ORC3: variants seen among roughly 807,000 people sequenced by gnomAD.
ORC3 encodes origin recognition complex subunit 3.
ORC3 carries 78 observed loss-of-function variants against 100.7 expected under a neutral mutation model. The observed-to-expected ratio is 0.77, with a 90% CI of 0.65 to 0.94. The LOEUF is 0.94. Ranked by LOEUF, ORC3 falls within the 40% of genes least tolerant of loss-of-function variation. The pLI is 0.00. For synonymous variants in ORC3, 295 were observed against 289.3 expected, an observed-to-expected ratio of 1.02 and a Z score of -0.20; for missense variants, 789 against 823.9, an observed-to-expected ratio of 0.96 and a Z score of 0.52.
intron 13 of ORC3, among the ~76,000 whole-genome samples, chr6:87,640,417 A>G (rs1768157195): frequency 6.6e-6 from 1 of 152,224 alleles, no homozygotes; most frequent in South Asian, 2.1e-4. Flanking sequence ...TTTATAATAT[A>G]TGCCATTATT....
downstream of ORC3, among the ~76,000 whole-genome samples, chr6:87,671,548 T>C (rs545357075): frequency 3.1e-4 from 46 of 150,524 alleles, no homozygotes; most frequent in African/African-American, 1.1e-3. Context: ...CCAAGATGAG[T>C]ACTAAGAGAG....
At chr6:87,667,965 C>G (rs1012086112), downstream of ORC3, among the ~76,000 whole-genome samples, 5 of 151,908 alleles carry the variant, frequency 3.3e-5, no homozygotes, top group African/African-American at 1.2e-4. Context: ...TTTATTTAGG[C>G]AGTAAATATT....
At chr6:87,607,380 G>A (rs1778417899) in intron 5 of ORC3, among the ~76,000 whole-genome samples, 1 of 151,718 alleles carries the variant, frequency 6.6e-6, no homozygotes, top group Non-Finnish European at 1.5e-5. Flanking sequence ...GTATTGAGCC[G>A]AGATCCTGCC....
chr6:87,635,684 C>T (rs1425655068), intron 12 of ORC3, among the ~76,000 whole-genome samples: 1 of 151,864 alleles, frequency 6.6e-6, no homozygotes, highest in Non-Finnish European at 1.5e-5. Flanking sequence ...GTAGTCCCAG[C>T]TATGAGGGAG....
In ORC3 at chr6:87,609,136, C is replaced by G. The variant is rs550694781; in HGVS notation, c.620C>G (p.Ser207Cys). The part of the protein sequence containing the change: ...PKMLSKKRTT[S>C]SQWQSPPVVV... ...ATGCTAAGCAAAAAAAGGACTACTT[C>G]TAGCCAATGGCAGTCTCCTCCTGTT... The change falls in exon 7 of 20, where the codon TCT becomes TGT. Residue 207 changes from serine to cysteine, a missense_variant. Ser to Cys is a moderately radical substitution (Grantham distance 112, BLOSUM62 -1). Transcript: ENST00000392844. The G allele has an allele frequency of 6.2e-7, 1 of 1,607,460 alleles. No individual in the cohort carries two copies.
At chr6:87,622,594 T>G (rs6923950) in intron 11 of ORC3, among the ~76,000 whole-genome samples, 1 of 152,066 alleles carries the variant, frequency 6.6e-6, no homozygotes, top group African/African-American at 2.4e-5. Context: ...AAAATGGATA[T>G]AGTATACTAT....
chr6:87,633,533 G>A (rs531282393), intron 11 of ORC3, among the ~76,000 whole-genome samples: 1 of 152,280 alleles, frequency 6.6e-6, no homozygotes, highest in East Asian at 1.9e-4. Flanking sequence ...CCCGTAGATC[G>A]TTGACCAAGG....
chr6:87,664,086 C>A (rs886556319), intron 17 of ORC3, among the ~76,000 whole-genome samples: 15 of 152,098 alleles, frequency 9.9e-5, no homozygotes, highest in Non-Finnish European at 2.1e-4. Context: ...CTTACAAAAT[C>A]TGTCTTCTTC....
At chr6:87,609,560 CTT>C (rs549492022) in intron 7 of ORC3, 33 of 153,220 alleles carry the variant, frequency 2.2e-4, no homozygotes, top group East Asian at 3.7e-4. Flanking sequence ...TTGTTTTTTT[CTT>C]TTTTTTTTTT....
At chr6:87,627,554 C>G (rs1780015089) in intron 11 of ORC3, among the ~76,000 whole-genome samples, 1 of 148,870 alleles carries the variant, frequency 6.7e-6, no homozygotes, top group African/African-American at 2.5e-5. Flanking sequence ...CCTAGGCCTC[C>G]CAAAGTGCTG....
chr6:87,643,246 T>C (rs971703031), intron 13 of ORC3, among the ~76,000 whole-genome samples: 1 of 152,130 alleles, frequency 6.6e-6, no homozygotes, highest in Non-Finnish European at 1.5e-5. Flanking sequence ...GGTCAGAGAA[T>C]TAGCTGAGAT....
At chr6:87,665,423 T>C (rs565278564) in intron 18 of ORC3, among the ~76,000 whole-genome samples, 35 of 152,322 alleles carry the variant, frequency 2.3e-4, no homozygotes, top group African/African-American at 7.5e-4. Context: ...TTAAAAAATA[T>C]CCATAATTGG....
intron 5 of ORC3, among the ~76,000 whole-genome samples, chr6:87,607,385 C>A (rs1266830834): frequency 1.3e-5 from 2 of 151,910 alleles, no homozygotes; most frequent in African/African-American, 4.8e-5. Flanking sequence ...GAGCCGAGAT[C>A]CTGCCACTGT....
At chr6:87,648,660 A>T (rs1768997355) in intron 13 of ORC3, among the ~76,000 whole-genome samples, 2 of 147,714 alleles carry the variant, frequency 1.4e-5, no homozygotes, top group Admixed American at 1.3e-4. Flanking sequence ...TGGGAATAAT[A>T]ATAGTATTTA....
At chr6:87,674,440 C>T in the ORC3 span, among the ~76,000 whole-genome samples, 1 of 150,982 alleles carries the variant, frequency 6.6e-6, no homozygotes, top group East Asian at 1.9e-4. Context: ...TTTTTGCTTA[C>T]TTCATTATAA....
intron 6 of ORC3, 25 bp from the exon 7 acceptor site, chr6:87,609,071 C>T: frequency 1.3e-6 from 2 of 1,576,396 alleles, no homozygotes; most frequent in Non-Finnish European, 8.6e-7. Flanking sequence ...ACCTTTAACT[C>T]TTTCTTTCTG....
At chr6:87,602,312 A>G (rs931845445) in intron 3 of ORC3, among the ~76,000 whole-genome samples, 2 of 152,186 alleles carry the variant, frequency 1.3e-5, no homozygotes, top group African/African-American at 4.8e-5. Flanking sequence ...GGAGCTTTCA[A>G]ATGGTGACGC....
At chr6:87,652,814 G>A (rs1252135459) in intron 13 of ORC3, among the ~76,000 whole-genome samples, 2 of 152,046 alleles carry the variant, frequency 1.3e-5, no homozygotes, top group African/African-American at 4.8e-5. Flanking sequence ...TACAGACAAC[G>A]AACCAAGGAT....
rs531210297 is a variant in ORC3, at chr6:87,649,413, A to G, written c.1383-3703A>G. ...TGTACACACATTGTTCCTGTTTTTTAGAACAATTATTCCAGATACATTTCA... is the reference window on the plus strand; with the variant it reads ...TGTACACACATTGTTCCTGTTTTTTGGAACAATTATTCCAGATACATTTCA... On this transcript the variant is annotated intron_variant, in intron 13 of 19. Coordinates refer to ENST00000392844, the MANE Select transcript of ORC3 (RefSeq NM_012381.4). Among the ~76,000 whole-genome samples the G allele has an allele frequency of 2.5e-3, 381 of 152,340 alleles. 2 individuals are homozygous for G. Among genetic ancestry groups the G allele is most frequent in the African/African-American group, 8.8e-3 (367 of 41,588 alleles).
Sources: allele counts gnomAD v4.1 joint callset (sites outside exome capture counted in the v4.1 genomes callset), GRCh38; gene constraint gnomAD v4.1.1; transcripts MANE v1.5; gene names NCBI Gene and HGNC (gene_info 2026-07-23, HGNC 2026-07-21).